SAXO5: variants seen among roughly 807,000 people sequenced by gnomAD.
The protein encoded by SAXO5 is stabilizer of axonemal microtubules 5, also known as testis expressed 45.
the SAXO5 span, chr19:7,506,154 G>C: frequency 3.1e-6 from 5 of 1,604,824 alleles, no homozygotes; most frequent in South Asian, 2.2e-5. Context: ...TACCTGCCGC[G>C]GGGCACGGGC....
the SAXO5 span, chr19:7,506,972 G>A: frequency 8.6e-7 from 1 of 1,157,598 alleles, no homozygotes; most frequent in East Asian, 2.4e-5. Flanking sequence ...CTTGGCTCTT[G>A]AACCCTTCCC....
chr19:7,500,980 C>G, the SAXO5 span: 1 of 1,542,046 alleles, frequency 6.5e-7, no homozygotes, highest in Non-Finnish European at 8.7e-7. Context: ...CCGGCTGCCA[C>G]CCGGGAGCCG....
the SAXO5 span, chr19:7,504,054 A>AG: frequency 8.8e-7 from 1 of 1,130,658 alleles, no homozygotes; most frequent in Non-Finnish European, 1.3e-6. Flanking sequence ...TTCCTTCCAG[A>AG]GGGCTTGAGA....
chr19:7,504,887 C>T, the SAXO5 span, among the ~76,000 whole-genome samples: 1 of 152,044 alleles, frequency 6.6e-6, no homozygotes, highest in East Asian at 1.9e-4. Flanking sequence ...ATCAGAGCCC[C>T]ACAGCTTGGT....
the SAXO5 span, chr19:7,506,265 CCCCCACGGAGCCCCGT>C: frequency 2.2e-5 from 23 of 1,046,114 alleles, no homozygotes; most frequent in Admixed American, 1.6e-4. Context: ...TGGAGCCCCG[CCCCCACGGAGCCCCGT>C]CCCGGGAAGC....
At chr19:7,498,458 G>A in the SAXO5 span, among the ~76,000 whole-genome samples, 1 of 146,790 alleles carries the variant, frequency 6.8e-6, no homozygotes, top group Non-Finnish European at 1.5e-5. Flanking sequence ...GTGCAATGGC[G>A]CAATCTTGGC....
chr19:7,500,834 C>G, the SAXO5 span: 2 of 1,493,692 alleles, frequency 1.3e-6, no homozygotes, highest in Non-Finnish European at 8.9e-7. Context: ...TGGCCACAGG[C>G]GCCCTCCTGC....
At chr19:7,506,721 C>T in the SAXO5 span, 1 of 379,732 alleles carries the variant, frequency 2.6e-6, no homozygotes, top group Non-Finnish European at 4.9e-6. Context: ...CTGGCTCCTT[C>T]CTTTGTCCCA....
chr19:7,503,289 C>G, the SAXO5 span, among the ~76,000 whole-genome samples: 3 of 151,984 alleles, frequency 2.0e-5, no homozygotes, highest in African/African-American at 7.2e-5. Flanking sequence ...ATCGCTTGAA[C>G]CTGGGAGGAG....
At chr19:7,504,160 A>G in the SAXO5 span, 3 of 1,613,792 alleles carry the variant, frequency 1.9e-6, no homozygotes, top group East Asian at 2.2e-5. Flanking sequence ...ACGAGACAAG[A>G]TGGGACTTCC....
chr19:7,504,884 C>A, the SAXO5 span, among the ~76,000 whole-genome samples: 1 of 152,022 alleles, frequency 6.6e-6, no homozygotes, highest in Non-Finnish European at 1.5e-5. Context: ...ATTATCAGAG[C>A]CCCACAGCTT....
At chr19:7,506,444 A>T in the SAXO5 span, 2 of 481,208 alleles carry the variant, frequency 4.2e-6, no homozygotes, top group African/African-American at 4.2e-5. Context: ...CTTCATGGCC[A>T]TGCCTCTCCC....
chr19:7,506,574 C>A, the SAXO5 span: 1 of 359,040 alleles, frequency 2.8e-6, no homozygotes, highest in Non-Finnish European at 5.3e-6. Flanking sequence ...GCCTGCCCTG[C>A]CTGGCCCTGC....
chr19:7,498,644 C>T, the SAXO5 span, among the ~76,000 whole-genome samples: 10 of 152,150 alleles, frequency 6.6e-5, no homozygotes, highest in Non-Finnish European at 1.5e-5. Flanking sequence ...ATCTGCCCAC[C>T]TCGGCCTCCC....
chr19:7,508,299 G>C, the SAXO5 span: 1 of 1,614,030 alleles, frequency 6.2e-7, no homozygotes, highest in Non-Finnish European at 8.5e-7. Flanking sequence ...CCAGGGCCCA[G>C]CAGCCCTGAG....
the SAXO5 span, chr19:7,506,041 A>C: frequency 6.2e-7 from 1 of 1,613,778 alleles, no homozygotes; most frequent in Admixed American, 1.7e-5. Context: ...TAGGGGAGCC[A>C]AAGCTACTCA....
chr19:7,502,465 TAGAGGCCAG>T, the SAXO5 span, among the ~76,000 whole-genome samples: 2 of 152,006 alleles, frequency 1.3e-5, no homozygotes, highest in East Asian at 3.8e-4. Flanking sequence ...AGACAGCGGG[TAGAGGCCAG>T]AGATGCTGCC....
At chr19:7,500,772 A>G in the SAXO5 span, 10 of 1,394,846 alleles carry the variant, frequency 7.2e-6, no homozygotes, top group African/African-American at 1.5e-5. Flanking sequence ...CCCAATGGGC[A>G]CTTGCTCAGT....
the SAXO5 span, among the ~76,000 whole-genome samples, chr19:7,503,547 C>T: frequency 2.2e-3 from 327 of 151,922 alleles, 1 homozygote; most frequent in Non-Finnish European, 4.0e-3. Flanking sequence ...TGCAGTGGCA[C>T]GATCTCGGCT....
Sources: allele counts gnomAD v4.1 joint callset (sites outside exome capture counted in the v4.1 genomes callset), GRCh38; gene constraint gnomAD v4.1.1; transcripts MANE v1.5; gene names NCBI Gene and HGNC (gene_info 2026-07-23, HGNC 2026-07-21).